Variants in TCF4 observed in about 807,000 individuals in gnomAD.
TCF4 encodes the protein SL3-3 enhancer factor 2.
TCF4 carries 3 observed loss-of-function variants against 82.1 expected under a neutral mutation model. The ratio of observed to expected loss-of-function variants is 0.04; its 90% confidence interval spans 0.02 to 0.09. The LOEUF (loss-of-function observed/expected upper bound fraction) is 0.09. Ranked by LOEUF, TCF4 falls within the 10% of genes least tolerant of loss-of-function variation. TCF4 has a pLI of 1.00. For synonymous variants in TCF4, 276 were observed against 309.6 expected, an observed-to-expected ratio of 0.89 and a Z score of 1.14; for missense variants, 518 against 852.7, an observed-to-expected ratio of 0.61 and a Z score of 4.89.
chr18:55,537,550 G>A (rs568471335), intron 3 of TCF4, among the ~76,000 whole-genome samples: 2 of 150,730 alleles, frequency 1.3e-5, no homozygotes, highest in African/African-American at 4.9e-5. Context: ...CCATGATCAT[G>A]CCACTGCACT....
rs138458240 is a variant in TCF4, at chr18:55,574,947, T to C, written c.145+10333A>G. Among the ~76,000 whole-genome samples, 67 of 152,336 alleles carry C rather than the reference T, an allele frequency of 4.4e-4. 1 individual carries two copies. In the East Asian group the frequency reaches 0.011, roughly 26 times the overall value. ...ATAATAAGAACATGGCATGCATTCA[T>C]CCACTTCCACTTTTCTGAAGCTTTC... On this transcript the variant is annotated intron_variant, in intron 3 of 19. Coordinates refer to ENST00000354452, the MANE Select transcript of TCF4 (RefSeq NM_001083962.2).
At chr18:55,499,736 T>C (rs1166668655) in intron 3 of TCF4, among the ~76,000 whole-genome samples, 1 of 152,180 alleles carries the variant, frequency 6.6e-6, no homozygotes, top group Non-Finnish European at 1.5e-5. Context: ...GCATTTTTAC[T>C]GTGAGGGGAC....
intron 5 of TCF4, among the ~76,000 whole-genome samples, chr18:55,429,407 C>A (rs1171899703): frequency 2.0e-5 from 3 of 152,184 alleles, no homozygotes; most frequent in African/African-American, 7.2e-5. Flanking sequence ...GGTGAAATAT[C>A]AGACTCTGGG....
chr18:55,546,226 C>T (rs1446660809), intron 3 of TCF4, among the ~76,000 whole-genome samples: 13 of 152,072 alleles, frequency 8.5e-5, no homozygotes, highest in South Asian at 6.2e-4. Flanking sequence ...GTAGTCCCAG[C>T]GACTCAGGAG....
intron 5 of TCF4, among the ~76,000 whole-genome samples, chr18:55,458,193 C>T (rs1156402646): frequency 6.6e-6 from 1 of 152,170 alleles, no homozygotes; most frequent in Non-Finnish European, 1.5e-5. Flanking sequence ...AGAATCTGCT[C>T]CAATAAAGTG....
rs987013968 is a variant in TCF4, at chr18:55,416,548, T to C, written c.305-13030A>G. ...ACGAAACAAAAACAATAAAGCCAAGTAACATTTCCATCATAATATATATAT... is the reference window on the plus strand; with the variant it reads ...ACGAAACAAAAACAATAAAGCCAAGCAACATTTCCATCATAATATATATAT... On this transcript the variant is annotated intron_variant, in intron 5 of 19. Coordinates refer to ENST00000354452, the MANE Select transcript of TCF4 (RefSeq NM_001083962.2). Among the ~76,000 whole-genome samples, 3 of 152,232 alleles carry C rather than the reference T, an allele frequency of 2.0e-5. No individual in the cohort carries two copies. In the South Asian group the frequency reaches 6.2e-4, roughly 32 times the overall value.
intron 5 of TCF4, chr18:55,403,973 GAAACTATTCA>G (rs753596386): frequency 2.4e-6 from 3 of 1,272,458 alleles, no homozygotes; most frequent in Non-Finnish European, 3.0e-6. Flanking sequence ...ATTTAGCAAA[GAAACTATTCA>G]AAATTCTGAG....
rs1221165873 is a variant in TCF4, at chr18:55,583,535, CT to C, written c.145+1744del. Among the ~76,000 whole-genome samples the C allele has an allele frequency of 4.6e-5, 7 of 152,190 alleles. No homozygotes were observed. In the East Asian group the frequency reaches 1.3e-3, roughly 29 times the overall value. On this transcript the variant is annotated intron_variant, in intron 3 of 19. Coordinates refer to ENST00000354452, the MANE Select transcript of TCF4 (RefSeq NM_001083962.2). Reference sequence around the variant, plus strand: ...GAAAATGGATCAGACATACAGTTGTCTTTTTAAATGTAACACAATCTCATAT... The same window carrying C: ...GAAAATGGATCAGACATACAGTTGTCTTTTAAATGTAACACAATCTCATAT...
At chr18:55,471,804 C>T (rs1251002874) in intron 3 of TCF4, among the ~76,000 whole-genome samples, 1 of 150,892 alleles carries the variant, frequency 6.6e-6, no homozygotes, top group African/African-American at 2.4e-5. Flanking sequence ...ATAAAGAATA[C>T]AGACCTGGGC....
chr18:55,585,440 A>G (rs2097631987), intron 2 of TCF4, 88 bp from the exon 3 acceptor site: 1 of 1,210,900 alleles, frequency 8.3e-7, no homozygotes, highest in Admixed American at 1.7e-5. Flanking sequence ...GTTACCAAAC[A>G]GCTTAGAGTT....
chr18:55,369,461 T>C (rs1409749901), intron 6 of TCF4, among the ~76,000 whole-genome samples: 1 of 152,222 alleles, frequency 6.6e-6, no homozygotes, highest in Non-Finnish European at 1.5e-5. Context: ...TGTGTCCCTT[T>C]GGCCCCTGTG....
intron 3 of TCF4, chr18:55,553,435 T>C (rs1184362719): frequency 2.0e-5 from 3 of 152,150 alleles, no homozygotes; most frequent in Non-Finnish European, 4.4e-5. Context: ...TATACAGAAG[T>C]GGTGCCCTAG....
chr18:55,239,176 G>GT (rs2050442937), intron 15 of TCF4, among the ~76,000 whole-genome samples: 1 of 152,156 alleles, frequency 6.6e-6, no homozygotes, highest in South Asian at 2.1e-4. Flanking sequence ...TTTGAATCAC[G>GT]TAAGCACCAT....
intron 2 of TCF4, among the ~76,000 whole-genome samples, chr18:55,631,008 T>C (rs924659731): frequency 6.6e-6 from 1 of 151,428 alleles, no homozygotes; most frequent in African/African-American, 2.4e-5. Context: ...CAAGGCCTTG[T>C]TGGACATATG....
chr18:55,343,673 G>A (rs1206125454), intron 8 of TCF4, among the ~76,000 whole-genome samples: 1 of 151,942 alleles, frequency 6.6e-6, no homozygotes, highest in African/African-American at 2.4e-5. Flanking sequence ...ATATGCTCAA[G>A]TAAAGCATCA....
intron 7 of TCF4, 71 bp from the exon 8 acceptor site, chr18:55,350,479 A>T: frequency 6.7e-7 from 1 of 1,492,550 alleles, no homozygotes. Flanking sequence ...TAAACCACAA[A>T]GACTTCTAGA....
At chr18:55,590,390 T>C (rs753165153), upstream of TCF4, among the ~76,000 whole-genome samples, 6 of 152,216 alleles carry the variant, frequency 3.9e-5, no homozygotes, top group Non-Finnish European at 8.8e-5. Flanking sequence ...GTGTGAACTT[T>C]CCAAGTCCAA....
chr18:55,631,472 G>A, intron 1 of TCF4: 4 of 1,426,292 alleles, frequency 2.8e-6, no homozygotes, highest in Non-Finnish European at 2.8e-6. Context: ...GTCTGGGGAA[G>A]AAATGATAAT....
At chr18:55,492,169 G>A (rs1254518421) in intron 3 of TCF4, 2 of 152,078 alleles carry the variant, frequency 1.3e-5, no homozygotes, top group African/African-American at 2.4e-5. Context: ...TGAGGAACAG[G>A]ACATCAGATG....
Sources: gnomAD v4.1 joint callset for allele counts (sites outside exome capture counted in the v4.1 genomes callset) on GRCh38, gnomAD v4.1.1 for gene constraint, MANE v1.5 for transcripts, NCBI Gene and HGNC (gene_info 2026-07-23, HGNC 2026-07-21) for gene names.